CEMIP2: variants seen among roughly 807,000 people sequenced by gnomAD.
CEMIP2 encodes cell migration inducing hyaluronidase 2.
Under a neutral mutation model 146.9 loss-of-function variants are expected in CEMIP2, and 79 were observed. The observed-to-expected ratio is 0.54, with a 90% confidence interval of 0.45 to 0.65. CEMIP2 has a LOEUF of 0.65. Among genes scored for constraint, CEMIP2 ranks in the 30% least tolerant of loss-of-function variants. The pLI, the probability that CEMIP2 is intolerant of heterozygous loss-of-function variation, is 0.00. For synonymous variants in CEMIP2, 601 were observed against 606.3 expected (o/e 0.99, Z 0.13); for missense variants, 1,596 against 1,696.2 (o/e 0.94, Z 1.04).
At chr9:71,703,597 C>T (rs1438661313) in intron 18 of CEMIP2, among the ~76,000 whole-genome samples, 1 of 152,148 alleles carries the variant, frequency 6.6e-6, no homozygotes, top group East Asian at 1.9e-4. Context: ...TTTTCAGGTA[C>T]ATATCTCAGC....
chr9:71,685,015 T>C lies in CEMIP2; in HGVS notation c.*182A>G. The C allele has an allele frequency of 1.9e-6, 1 of 532,646 alleles. No homozygotes were observed. Among genetic ancestry groups the C allele is most frequent in the Non-Finnish European group, 3.2e-6 (1 of 311,078 alleles). 33.0% of individuals were successfully genotyped at this position (532,646 alleles called of 1,614,324 possible). On this transcript the variant is annotated 3_prime_UTR_variant, in exon 24 of 24. Coordinates refer to ENST00000377044, the MANE Select transcript of CEMIP2 (RefSeq NM_013390.3). ...TACAAACAACGTCTTTAACATTTTG[T>C]ACAACTAGAAGGTGCATGAAGCTGG...
intron 22 of CEMIP2, among the ~76,000 whole-genome samples, chr9:71,688,905 T>A (rs58684866): frequency 0.055 from 8,296 of 152,218 alleles, 425 homozygotes; most frequent in African/African-American, 0.13. Flanking sequence ...GTTAAAATGT[T>A]ACACACACAC....
intron 22 of CEMIP2, 124 bp from the exon 23 acceptor site, chr9:71,685,970 G>A: frequency 1.4e-6 from 1 of 689,922 alleles, no homozygotes; most frequent in Admixed American, 2.8e-5. Flanking sequence ...ACTCCAAAAA[G>A]AAAAAAGTCT....
chr9:71,687,487 T>TGTGTGTGC (rs1822099631), intron 22 of CEMIP2: 1 of 152,024 alleles, frequency 6.6e-6, no homozygotes, highest in East Asian at 1.9e-4. Context: ...TGTGTGTGTG[T>TGTGTGTGC]GTGTGTGTAC....
intron 12 of CEMIP2, 125 bp from the exon 13 acceptor site, chr9:71,718,204 T>G (rs1244028597): frequency 1.1e-6 from 1 of 883,904 alleles, no homozygotes. Context: ...ATTCTTAAGA[T>G]ACAACTTACT....
chr9:71,727,376 T>C (rs62547015), intron 10 of CEMIP2, among the ~76,000 whole-genome samples: 10,713 of 152,264 alleles, frequency 0.07, 539 homozygotes, highest in South Asian at 0.19. Flanking sequence ...TTAGAAACTC[T>C]AGCACAAACC....
rs372357750 is a variant in CEMIP2, at chr9:71,694,621, A to T, written c.3598-14T>A. 23 of 1,577,776 alleles carry T rather than the reference A, an allele frequency of 1.5e-5. No homozygotes were observed. Among genetic ancestry groups the T allele is most frequent in the Non-Finnish European group, 1.9e-5 (22 of 1,147,466 alleles). The stretch of plus-strand genomic sequence containing the variant: ...AGTAAACACCACCTAGACAGAGAAG[A>T]AGTTCCATATTTATGGCAACTCTTA... On this transcript the variant is annotated splice_polypyrimidine_tract_variant and intron_variant, in intron 20 of 23. Transcript: ENST00000377044.
chr9:71,693,745 T>A (rs953419093), intron 21 of CEMIP2, among the ~76,000 whole-genome samples: 2 of 152,238 alleles, frequency 1.3e-5, no homozygotes, highest in Non-Finnish European at 1.5e-5. Context: ...GTAATTCATG[T>A]CACCAAGATA....
At chr9:71,729,269 A>C (rs1177760202) in intron 10 of CEMIP2, among the ~76,000 whole-genome samples, 1 of 151,552 alleles carries the variant, frequency 6.6e-6, no homozygotes, top group African/African-American at 2.4e-5. Flanking sequence ...ACATAACCCT[A>C]GTGATTAGCC....
At position 71,730,809 on chromosome 9, in the gene CEMIP2, C is replaced by G; in HGVS notation, c.1669G>C (p.Val557Leu). Reference sequence around the variant, plus strand: ...TGTCTGTATCCTCCTTTATAATCCACGTCACCACACAGGTGAAAATGAACA... The same window carrying G: ...TGTCTGTATCCTCCTTTATAATCCAGGTCACCACACAGGTGAAAATGAACA... ...YPVHFHLCGD[V>L]DYKGGYRHAT... The change falls in exon 8 of 24, where the codon GTG becomes CTG. Residue 557 changes from valine (V) to leucine (L), a missense_variant. Transcript: ENST00000377044. 1 of 1,614,210 alleles carries G rather than the reference C, an allele frequency of 6.2e-7. No homozygotes were observed. Among genetic ancestry groups the G allele is most frequent in the Non-Finnish European group, 8.5e-7 (1 of 1,180,040 alleles).
At chr9:71,716,622 T>C in intron 13 of CEMIP2, 70 bp from the exon 14 acceptor site, 2 of 1,302,088 alleles carry the variant, frequency 1.5e-6, no homozygotes, top group East Asian at 2.4e-5. Flanking sequence ...ATTCTCTCAA[T>C]ATTTAATTAT....
At chr9:71,714,670 C>A (rs1188296223) in intron 15 of CEMIP2, among the ~76,000 whole-genome samples, 1 of 152,088 alleles carries the variant, frequency 6.6e-6, no homozygotes, top group Non-Finnish European at 1.5e-5. Flanking sequence ...AGAAACAAGA[C>A]AAGTTTCTTT....
chr9:71,706,273 A>C (rs1476547496), intron 17 of CEMIP2, among the ~76,000 whole-genome samples: 2 of 152,034 alleles, frequency 1.3e-5, no homozygotes, highest in African/African-American at 4.8e-5. Context: ...CCACTAAAAA[A>C]TATTTACAAA....
intron 19 of CEMIP2, among the ~76,000 whole-genome samples, chr9:71,698,761 T>G (rs1210732449): frequency 6.6e-6 from 1 of 152,134 alleles, no homozygotes; most frequent in Non-Finnish European, 1.5e-5. Flanking sequence ...CCAGGCAAAA[T>G]GAACAGTCCA....
Position 71,729,543 on chromosome 9 carries a change from CG to C in CEMIP2, c.2049+301del, listed in dbSNP as rs527696388. 7.8e-3 allele frequency among the ~76,000 whole-genome samples: 1,185 copies of C among 151,470 alleles called. 9 individuals carry two copies. Among genetic ancestry groups the C allele is most frequent in the Non-Finnish European group, 0.014 (917 of 67,874 alleles). ...CTGAGGCAGGAGAATGGCGTGAACC[CG>C]GGGGGTGGAGCTTGCAGTGACCAAG... On this transcript the variant is annotated intron_variant, in intron 10 of 23. Coordinates refer to ENST00000377044, the MANE Select transcript of CEMIP2 (RefSeq NM_013390.3).
At chr9:71,748,148 C>T (rs373705952) in intron 2 of CEMIP2, among the ~76,000 whole-genome samples, 1 of 152,166 alleles carries the variant, frequency 6.6e-6, no homozygotes, top group South Asian at 2.1e-4. Context: ...CTGGAGCCTA[C>T]TTCAATGATT....
rs139505480 is a variant in CEMIP2 at position 71,726,821 on chromosome 9, C to T, written c.2050-1112G>A. On this transcript the variant is annotated intron_variant, in intron 10 of 23. Coordinates refer to ENST00000377044, the MANE Select transcript of CEMIP2 (RefSeq NM_013390.3). The stretch of plus-strand genomic sequence containing the variant: ...TCTGGGCACAAAACAGACAAGTTGA[C>T]GGGATAAGACCTGGAGGGTCAGAAG... Among the ~76,000 whole-genome samples, 534 of 152,200 alleles carry T rather than the reference C, an allele frequency of 3.5e-3. 2 individuals carry two copies. Among genetic ancestry groups the T allele is most frequent in the African/African-American group, 0.012 (478 of 41,518 alleles).
At chr9:71,720,788 G>T (rs1034267582) in intron 12 of CEMIP2, among the ~76,000 whole-genome samples, 1 of 152,190 alleles carries the variant, frequency 6.6e-6, no homozygotes, top group African/African-American at 2.4e-5. Flanking sequence ...ACAAGCTCTT[G>T]TTCCTTTTCT....
upstream of CEMIP2, chr9:71,768,751 G>C (rs1276952016): frequency 1.3e-5 from 2 of 152,516 alleles, no homozygotes; most frequent in East Asian, 3.9e-4. Flanking sequence ...CGCGACAACA[G>C]GGGAGGAGGC....
Sources: gnomAD v4.1 joint callset for allele counts (sites outside exome capture counted in the v4.1 genomes callset) on GRCh38, gnomAD v4.1.1 for gene constraint, MANE v1.5 for transcripts, NCBI Gene and HGNC (gene_info 2026-07-23, HGNC 2026-07-21) for gene names.